CCDC92: variants seen among roughly 807,000 people sequenced by gnomAD.
CCDC92 encodes the protein coiled-coil domain-containing protein 92.
A neutral mutation model predicts 24.9 loss-of-function variants in CCDC92; 12 were observed. The observed-to-expected ratio is 0.48, with a 90% CI of 0.31 to 0.78. The LOEUF (loss-of-function observed/expected upper bound fraction) is 0.78. CCDC92 is among the 30% of genes least tolerant of loss of function. The probability of loss-of-function intolerance (pLI) is 0.05; values close to 1 mark genes in which losing one functional copy is unlikely to be tolerated. For missense variants in CCDC92, 399 were observed against 439.4 expected (o/e 0.91, Z 0.82); for synonymous variants, 193 against 196.3 (o/e 0.98, Z 0.14).
At chr12:123,956,814 T>C (rs1027587389) in intron 1 of CCDC92, among the ~76,000 whole-genome samples, 6 of 152,170 alleles carry the variant, frequency 3.9e-5, no homozygotes, top group African/African-American at 1.4e-4. Context: ...AAACAAATAA[T>C]GACAAGTAAA....
intron 1 of CCDC92, among the ~76,000 whole-genome samples, chr12:123,957,036 CTT>C (rs1170261777): frequency 6.6e-6 from 1 of 152,176 alleles, no homozygotes; most frequent in Non-Finnish European, 1.5e-5. Flanking sequence ...GTACAACTGA[CTT>C]TGTTTTTTCC....
At chr12:123,941,257 A>G (rs1368680110) in intron 4 of CCDC92, among the ~76,000 whole-genome samples, 2 of 152,178 alleles carry the variant, frequency 1.3e-5, no homozygotes, top group Non-Finnish European at 2.9e-5. Flanking sequence ...CCACAGGCCC[A>G]GCTCCCAGTC....
chr12:123,943,314 C>A, intron 3 of CCDC92, 33 bp downstream of exon 3: 2 of 1,604,204 alleles, frequency 1.2e-6, no homozygotes, highest in Non-Finnish European at 1.7e-6. Context: ...CCATAGCCGC[C>A]CCCCGCCTGC....
intron 1 of CCDC92, among the ~76,000 whole-genome samples, chr12:123,948,250 G>A (rs958838665): frequency 1.1e-4 from 17 of 152,198 alleles, no homozygotes; most frequent in African/African-American, 1.7e-4. Context: ...GCTCTCCCAC[G>A]GGGGCAGAGG....
intron 1 of CCDC92, among the ~76,000 whole-genome samples, chr12:123,950,335 G>A (rs577349176): frequency 1.9e-4 from 29 of 152,188 alleles, no homozygotes; most frequent in African/African-American, 5.5e-4. Flanking sequence ...GGGCCAGGCC[G>A]TCAGAACAGC....
At position 123,959,320 on chromosome 12, in the gene CCDC92, T is replaced by C. The variant is rs565456224; in HGVS notation, c.-60+13209A>G. On this transcript the variant is annotated intron_variant, in intron 1 of 4. Coordinates refer to ENST00000238156, the MANE Select transcript of CCDC92 (RefSeq NM_025140.3). ...ACACCAAATGTCTGACTGCCAGGCT[T>C]GCTTTTTTTTTTGAGATGGAGTCTC... Among the ~76,000 whole-genome samples, 75 of 152,010 alleles carry C rather than the reference T, an allele frequency of 4.9e-4. 1 individual carries two copies. Among genetic ancestry groups the C allele is most frequent in the Non-Finnish European group, 3.5e-4 (24 of 68,002 alleles).
intron 1 of CCDC92, among the ~76,000 whole-genome samples, chr12:123,956,775 T>TA (rs1356741414): frequency 6.6e-6 from 1 of 152,204 alleles, no homozygotes; most frequent in African/African-American, 2.4e-5. Flanking sequence ...AATGAGCCAT[T>TA]AGTGCATTAA....
chr12:123,962,168 A>T (rs1480357516), intron 1 of CCDC92, among the ~76,000 whole-genome samples: 3 of 152,150 alleles, frequency 2.0e-5, no homozygotes, highest in Non-Finnish European at 4.4e-5. Context: ...GAAAAAAAAA[A>T]TCAGAATAAG....
intron 1 of CCDC92, among the ~76,000 whole-genome samples, chr12:123,960,102 T>C (rs1246837382): frequency 6.6e-6 from 1 of 152,248 alleles, no homozygotes; most frequent in African/African-American, 2.4e-5. Flanking sequence ...CTTACCTTAC[T>C]AGCATGTAAA....
intron 4 of CCDC92, among the ~76,000 whole-genome samples, chr12:123,939,331 ACT>A (rs1311501317): frequency 1.3e-5 from 2 of 151,958 alleles, no homozygotes; most frequent in African/African-American, 4.8e-5. Context: ...CCGCCGCCAG[ACT>A]CTGAGCTTTT....
At chr12:123,961,543 A>G (rs1488601751) in intron 1 of CCDC92, among the ~76,000 whole-genome samples, 3 of 152,252 alleles carry the variant, frequency 2.0e-5, no homozygotes, top group Non-Finnish European at 4.4e-5. Context: ...TAAGTTGTAT[A>G]TTAAAAGTTG....
chr12:123,970,718 T>C (rs1228832711), intron 1 of CCDC92, among the ~76,000 whole-genome samples: 1 of 152,244 alleles, frequency 6.6e-6, no homozygotes, highest in African/African-American at 2.4e-5. Context: ...AGTTACCAAA[T>C]GTGTGCCCAC....
At chr12:123,959,408 G>A (rs374889235) in intron 1 of CCDC92, among the ~76,000 whole-genome samples, 1 of 152,096 alleles carries the variant, frequency 6.6e-6, no homozygotes, top group African/African-American at 2.4e-5. Flanking sequence ...GGGTTTAAGC[G>A]ATTCTCCTGC....
rs889282354 is a variant in CCDC92 at position 123,972,740 on chromosome 12, G to A, written c.-271C>T. On this transcript the variant is annotated 5_prime_UTR_variant, in exon 1 of 5. Transcript: ENST00000238156. ...CTCGCCCGCTCCCACCCCAGCGCTA[G>A]CCGCGGTGCACCCTGGGAGCGGGGC... 1.2e-3 allele frequency: 171 copies of A among 147,464 alleles called. 2 individuals are homozygous for A. The highest frequency in any genetic ancestry group is 3.8e-3 in the African/African-American group (154 of 40,994). The allele number at this position is 147,464 out of a possible 1,614,324, so 9.1% of individuals were successfully genotyped here. A position where few individuals can be genotyped will look rare whatever the true frequency, so the allele number is the denominator to read the frequency against.
intron 1 of CCDC92, among the ~76,000 whole-genome samples, chr12:123,951,331 G>A (rs1029679367): frequency 3.9e-5 from 6 of 151,976 alleles, no homozygotes; most frequent in African/African-American, 1.5e-4. Flanking sequence ...CCAATTTCTT[G>A]GACAAAAAGA....
intron 1 of CCDC92, chr12:123,962,589 T>G (rs567102369): frequency 2.0e-5 from 3 of 153,438 alleles, no homozygotes; most frequent in Non-Finnish European, 4.4e-5. Flanking sequence ...GTAGTTTGAG[T>G]TTTTGCCTGC....
At chr12:123,960,836 T>G (rs1441021350) in intron 1 of CCDC92, 1 of 152,178 alleles carries the variant, frequency 6.6e-6, no homozygotes, top group Non-Finnish European at 1.5e-5. Flanking sequence ...GCCTAGCCAC[T>G]CTAATCACCA....
intron 1 of CCDC92, among the ~76,000 whole-genome samples, chr12:123,958,782 T>C (rs1956208634): frequency 2.0e-5 from 3 of 152,348 alleles, no homozygotes; most frequent in East Asian, 1.9e-4. Flanking sequence ...ATCTGCCTTA[T>C]TGAGATCATA....
chr12:123,952,504 A>G (rs1020985025), intron 1 of CCDC92, among the ~76,000 whole-genome samples: 3 of 152,234 alleles, frequency 2.0e-5, no homozygotes, highest in African/African-American at 7.2e-5. Flanking sequence ...TCAACTCTCA[A>G]TTCCAAATAC....
Sources: gnomAD v4.1 joint callset for allele counts (sites outside exome capture counted in the v4.1 genomes callset) on GRCh38, gnomAD v4.1.1 for gene constraint, MANE v1.5 for transcripts, NCBI Gene and HGNC (gene_info 2026-07-23, HGNC 2026-07-21) for gene names.